The following AGAP1 variants were observed in gnomAD, a reference collection of about 807,000 sequenced individuals.
AGAP1 encodes the protein arf-GAP with GTPase, ANK repeat and PH domain-containing protein 1.
A neutral mutation model predicts 105.3 loss-of-function variants in AGAP1; 29 were observed. That is an observed-to-expected ratio of 0.28 (90% CI 0.21 to 0.38). AGAP1 has a LOEUF of 0.38. Ranked by LOEUF, AGAP1 falls within the 10% of genes least tolerant of loss-of-function variation. The pLI is 1.00. For missense variants in AGAP1, 998 were observed against 1,165.1 expected, an observed-to-expected ratio of 0.86 and a Z score of 2.09; for synonymous variants, 509 against 485.9, an observed-to-expected ratio of 1.05 and a Z score of -0.63.
intron 13 of AGAP1, among the ~76,000 whole-genome samples, chr2:235,980,215 T>C (rs2055033418): frequency 6.6e-6 from 1 of 152,230 alleles, no homozygotes; most frequent in South Asian, 2.1e-4. Flanking sequence ...CAATTATGCA[T>C]GGCCCCTGTG....
At chr2:235,514,306 C>T (rs1349628341) in intron 1 of AGAP1, among the ~76,000 whole-genome samples, 1 of 152,252 alleles carries the variant, frequency 6.6e-6, no homozygotes, top group Non-Finnish European at 1.5e-5. Flanking sequence ...AAATAGCTCA[C>T]TAGGGCTTTT....
chr2:235,992,170 A>T lies in AGAP1; in HGVS notation c.1645+23547A>T, dbSNP rs543849087. Among the ~76,000 whole-genome samples the T allele has an allele frequency of 2.3e-4, 35 of 151,730 alleles. No homozygotes were observed. Among genetic ancestry groups the T allele is most frequent in the African/African-American group, 8.0e-4 (33 of 41,396 alleles). On this transcript the variant is annotated intron_variant, in intron 13 of 17. Transcript: ENST00000304032. The surrounding 1 kb of genome is among the most constrained non-coding windows in gnomAD (Gnocchi z 4.8). ...GGAGGAGCCTGTCTTCCTGGGTCCG[A>T]GTTGCGTGGTTAGGAGCGCAGCGGA...
intron 9 of AGAP1, among the ~76,000 whole-genome samples, chr2:235,846,114 T>G (rs1487446134): frequency 6.6e-6 from 1 of 152,234 alleles, no homozygotes; most frequent in Non-Finnish European, 1.5e-5. Context: ...GATGTCTTTT[T>G]CTCCATAAGT....
intron 9 of AGAP1, among the ~76,000 whole-genome samples, chr2:235,878,350 A>C (rs2049848871): frequency 6.6e-6 from 1 of 152,188 alleles, no homozygotes; most frequent in Admixed American, 6.5e-5. Flanking sequence ...CTTCTCTTTG[A>C]TAATCAGGAA....
chr2:235,786,319 C>T (rs1313885364), intron 6 of AGAP1, among the ~76,000 whole-genome samples: 1 of 152,186 alleles, frequency 6.6e-6, no homozygotes, highest in Non-Finnish European at 1.5e-5. Flanking sequence ...TACATATTTT[C>T]TAATGAGAGT....
chr2:235,810,891 A>C (rs138046831), intron 9 of AGAP1, among the ~76,000 whole-genome samples: 1 of 151,060 alleles, frequency 6.6e-6, no homozygotes, highest in East Asian at 1.9e-4. Context: ...TTAAGAAGCA[A>C]AGCAAGAAAA....
Position 235,968,442 on chromosome 2 carries a change from C to CTT in AGAP1, c.1484-17_1484-16dup. On this transcript the variant is annotated intron_variant, in intron 12 of 17. Transcript: ENST00000304032. Reference sequence around the variant, plus strand: ...TCTGCATTTTTTTTTTTTTTTTTGCCTTTTCCGGTCCAATGGCAGACACAG... The same window carrying CTT: ...TCTGCATTTTTTTTTTTTTTTTTGCCTTTTTTCCGGTCCAATGGCAGACACAG... 1 of 1,477,742 alleles carries CTT rather than the reference C, an allele frequency of 6.8e-7. No individual in the cohort carries two copies. 91.5% of individuals were successfully genotyped at this position (1,477,742 alleles called of 1,614,324 possible). A position where few individuals can be genotyped will look rare whatever the true frequency, so the allele number is the denominator to read the frequency against.
chr2:235,527,048 A>G (rs1663200241), intron 1 of AGAP1, among the ~76,000 whole-genome samples: 1 of 152,330 alleles, frequency 6.6e-6, no homozygotes, highest in Non-Finnish European at 1.5e-5. Context: ...TGTATCAAGC[A>G]AAAGTGAAAC....
chr2:235,735,618 G>T (rs781656758), intron 3 of AGAP1, among the ~76,000 whole-genome samples: 103 of 151,418 alleles, frequency 6.8e-4, no homozygotes, highest in Non-Finnish European at 1.2e-3. Flanking sequence ...TTTCTTCCTG[G>T]TGCGCTGTTC....
In AGAP1 at chr2:235,887,291, T is replaced by G. The variant is rs2050316694; in HGVS notation, c.1155+3842T>G. Among the ~76,000 whole-genome samples, 1 of 151,938 alleles carries G rather than the reference T, an allele frequency of 6.6e-6. No homozygotes were observed. Among genetic ancestry groups the G allele is most frequent in the South Asian group, 2.1e-4 (1 of 4,806 alleles). On this transcript the variant is annotated intron_variant, in intron 10 of 17. Transcript: ENST00000304032. The surrounding 1 kb of genome is among the most constrained non-coding windows in gnomAD (Gnocchi z 4.1). ...GCTGCCAGGATTGCTGGTGTTTGGG[T>G]TTCAGAGTCATTATTGTTGCTCCTA...
chr2:235,743,940 T>C (rs958953203), intron 4 of AGAP1, among the ~76,000 whole-genome samples: 1 of 152,224 alleles, frequency 6.6e-6, no homozygotes, highest in African/African-American at 2.4e-5. Context: ...AAGATGGCTG[T>C]TGGTACTAAA....
intron 5 of AGAP1, among the ~76,000 whole-genome samples, chr2:235,746,711 C>A (rs1002862343): frequency 6.6e-6 from 1 of 152,026 alleles, no homozygotes; most frequent in Non-Finnish European, 1.5e-5. Flanking sequence ...TTCCTGCAGG[C>A]CCGACCGTGG....
chr2:236,012,785 T>TATC lies in AGAP1; in HGVS notation c.1646-23774_1646-23773insCAT, dbSNP rs1263402462. Among the ~76,000 whole-genome samples, 3 of 151,714 alleles carry TATC rather than the reference T, an allele frequency of 2.0e-5. No individual in the cohort carries two copies. In the South Asian group the frequency reaches 6.3e-4, roughly 32 times the overall value. Reference sequence around the variant, plus strand: ...ACTAAATTATTATTATTATTATTATTATTATTCTCTTGAGATGGAATCTCT... The same window carrying TATC: ...ACTAAATTATTATTATTATTATTATTATCATTATTCTCTTGAGATGGAATCTCT... On this transcript the variant is annotated intron_variant, in intron 13 of 17. Coordinates refer to ENST00000304032, the MANE Select transcript of AGAP1 (RefSeq NM_001037131.3). The surrounding 1 kb of genome is among the most constrained non-coding windows in gnomAD (Gnocchi z 4.9).
chr2:235,657,341 G>C (rs752508667), intron 1 of AGAP1, among the ~76,000 whole-genome samples: 9 of 152,118 alleles, frequency 5.9e-5, no homozygotes, highest in Non-Finnish European at 8.8e-5. Context: ...ATTACACACT[G>C]AATCTTCCCA....
chr2:235,523,889 C>T (rs756516293), intron 1 of AGAP1, among the ~76,000 whole-genome samples: 3 of 151,758 alleles, frequency 2.0e-5, no homozygotes, highest in Non-Finnish European at 4.4e-5. Context: ...TGTGACCTGA[C>T]CAGGGTATGG....
chr2:235,940,052 A>G (rs1031504604), intron 12 of AGAP1, among the ~76,000 whole-genome samples: 5 of 152,174 alleles, frequency 3.3e-5, no homozygotes, highest in Non-Finnish European at 7.3e-5. Context: ...GCTTTCATCC[A>G]GAGCGTCTGT....
chr2:235,797,239 ATAACTT>A (rs1189026845), intron 6 of AGAP1, among the ~76,000 whole-genome samples: 1 of 152,138 alleles, frequency 6.6e-6, no homozygotes, highest in Non-Finnish European at 1.5e-5. Context: ...TTTTATGAGA[ATAACTT>A]AAATGAGATA....
intron 1 of AGAP1, among the ~76,000 whole-genome samples, chr2:235,668,717 A>G (rs6431397): frequency 0.21 from 32,690 of 152,228 alleles, 3,862 homozygotes; most frequent in Admixed American, 0.35. Context: ...TAGGAAATCG[A>G]GGATTTGATG....
chr2:235,603,956 A>G (rs547451093), intron 1 of AGAP1, among the ~76,000 whole-genome samples: 18 of 152,264 alleles, frequency 1.2e-4, no homozygotes, highest in African/African-American at 2.6e-4. Flanking sequence ...GCACCCATCA[A>G]AATGACACAC....
Sources: gnomAD v4.1 joint callset for allele counts (sites outside exome capture counted in the v4.1 genomes callset) on GRCh38, gnomAD v4.1.1 for gene constraint, Gnocchi (gnomAD v3.1) non-coding constraint, MANE v1.5 for transcripts, NCBI Gene and HGNC (gene_info 2026-07-23, HGNC 2026-07-21) for gene names.